Variants in DYM observed in about 807,000 individuals in gnomAD.
The protein encoded by DYM is dyggve-Melchior-Clausen syndrome protein.
DYM carries 78 observed loss-of-function variants against 93.1 expected under a neutral mutation model. The observed-to-expected ratio is 0.84, with a 90% CI of 0.70 to 1.01. DYM has a LOEUF of 1.01. Ranked by LOEUF, DYM falls within the 50% of genes least tolerant of loss-of-function variation. The probability of loss-of-function intolerance (pLI) is 0.00; values close to 1 mark genes in which losing one functional copy is unlikely to be tolerated. For synonymous variants in DYM, 321 were observed against 319.7 expected (o/e 1.00, Z -0.04); for missense variants, 789 against 845.0 (o/e 0.93, Z 0.82).
intron 8 of DYM, among the ~76,000 whole-genome samples, chr18:49,288,423 T>C (rs534999208): frequency 1.7e-3 from 266 of 152,234 alleles, no homozygotes; most frequent in African/African-American, 6.0e-3. Flanking sequence ...GAAGACCATA[T>C]GAGATCTGAA....
At chr18:49,203,219 A>G (rs2092233218) in intron 14 of DYM, among the ~76,000 whole-genome samples, 1 of 52,666 alleles carries the variant, frequency 1.9e-5, no homozygotes, top group Non-Finnish European at 4.9e-5. Context: ...CCCGTCTGGG[A>G]GGGAGGTGGG....
chr18:49,263,701 C>T (rs1054189088), intron 11 of DYM, among the ~76,000 whole-genome samples: 18 of 151,900 alleles, frequency 1.2e-4, no homozygotes, highest in African/African-American at 3.4e-4. Context: ...TGCACTCCAG[C>T]GTGGGCAACA....
intron 15 of DYM, among the ~76,000 whole-genome samples, chr18:49,120,599 C>G (rs1033360194): frequency 4.6e-5 from 7 of 152,146 alleles, no homozygotes; most frequent in Admixed American, 3.9e-4. Context: ...GAAGGGCCAA[C>G]TGTATGTACT....
rs1248790426 is a variant in DYM, at chr18:49,440,972, T to TA, written c.-53-10526dup. Among the ~76,000 whole-genome samples the TA allele has an allele frequency of 1.5e-3, 4 of 2,606 alleles. 1 individual carries two copies. The highest frequency in any genetic ancestry group is 4.1e-3 in the African/African-American group (4 of 966). The allele number at this position is 2,606 out of a possible 152,430, so 1.7% of individuals were successfully genotyped here. A position where few individuals can be genotyped will look rare whatever the true frequency, so the allele number is the denominator to read the frequency against. On this transcript the variant is annotated intron_variant, in intron 1 of 17. Coordinates refer to ENST00000675505, the MANE Select transcript of DYM (RefSeq NM_001353214.3). ...ATTATATAAATATATTATATTTATATAATATATTATATATAATATATAATA... is the reference window on the plus strand; with the variant it reads ...ATTATATAAATATATTATATTTATATAAATATATTATATATAATATATAATA...
At chr18:49,459,586 C>A (rs1220777687) in intron 1 of DYM, among the ~76,000 whole-genome samples, 1 of 152,088 alleles carries the variant, frequency 6.6e-6, no homozygotes, top group Non-Finnish European at 1.5e-5. Flanking sequence ...TTGCTCTACA[C>A]ACCCCTCTCT....
intron 8 of DYM, among the ~76,000 whole-genome samples, chr18:49,311,005 T>C (rs2061556422): frequency 6.6e-6 from 1 of 152,264 alleles, no homozygotes; most frequent in Admixed American, 6.5e-5. Flanking sequence ...ATTAAGTATT[T>C]TGCATTTTTT....
chr18:49,156,676 G>C (rs2086483135), intron 15 of DYM, among the ~76,000 whole-genome samples: 1 of 148,296 alleles, frequency 6.7e-6, no homozygotes, highest in Non-Finnish European at 1.5e-5. Context: ...AGGCTGCAGT[G>C]AGCTGACATC....
intron 8 of DYM, among the ~76,000 whole-genome samples, chr18:49,294,222 T>C (rs1395779548): frequency 6.6e-6 from 1 of 152,224 alleles, no homozygotes; most frequent in Non-Finnish European, 1.5e-5. Context: ...ACTGTAGTCT[T>C]ATAGTATAGT....
intron 14 of DYM, among the ~76,000 whole-genome samples, chr18:49,179,907 T>C (rs1375857653): frequency 6.6e-6 from 1 of 152,168 alleles, no homozygotes; most frequent in African/African-American, 2.4e-5. Context: ...CATGAATCTG[T>C]TGAACTTCTT....
At chr18:49,219,568 G>A (rs1232265773) in intron 13 of DYM, among the ~76,000 whole-genome samples, 1 of 152,128 alleles carries the variant, frequency 6.6e-6, no homozygotes, top group East Asian at 1.9e-4. Flanking sequence ...ATGATCAAGT[G>A]GGCTTCATCC....
At chr18:49,452,377 A>T (rs1300272496) in intron 1 of DYM, among the ~76,000 whole-genome samples, 1 of 152,084 alleles carries the variant, frequency 6.6e-6, no homozygotes, top group African/African-American at 2.4e-5. Flanking sequence ...TTGCTGGTTC[A>T]GGCAGCCTGC....
intron 11 of DYM, 103 bp downstream of exon 11, chr18:49,272,075 C>T: frequency 9.9e-7 from 1 of 1,013,320 alleles, no homozygotes; most frequent in Non-Finnish European, 1.5e-6. Context: ...TACAGGTTCT[C>T]ACAGGAACAT....
At chr18:49,237,952 A>C (rs1299954925) in intron 13 of DYM, among the ~76,000 whole-genome samples, 1 of 150,524 alleles carries the variant, frequency 6.6e-6, no homozygotes, top group Non-Finnish European at 1.5e-5. Context: ...TACCATATTT[A>C]AGTAGGTCTC....
intron 1 of DYM, among the ~76,000 whole-genome samples, chr18:49,458,787 C>T (rs1424533263): frequency 2.6e-5 from 4 of 152,086 alleles, no homozygotes; most frequent in Admixed American, 6.6e-5. Flanking sequence ...TGCCGTGAGC[C>T]GGGATCACGC....
chr18:49,452,013 AC>A (rs1166225110), intron 1 of DYM, among the ~76,000 whole-genome samples: 1 of 152,146 alleles, frequency 6.6e-6, no homozygotes, highest in Non-Finnish European at 1.5e-5. Context: ...GAATTGCTAT[AC>A]TCACTCTACT....
intron 15 of DYM, among the ~76,000 whole-genome samples, chr18:49,149,651 T>C (rs1429206231): frequency 6.7e-6 from 1 of 149,754 alleles, no homozygotes; most frequent in East Asian, 2.0e-4. Context: ...AGCTGCTCAC[T>C]AAATATTTGT....
intron 2 of DYM, among the ~76,000 whole-genome samples, chr18:49,400,787 T>A (rs1021435764): frequency 6.6e-6 from 1 of 152,214 alleles, no homozygotes; most frequent in African/African-American, 2.4e-5. Flanking sequence ...AAGAATAATC[T>A]GCTTTCCTAT....
intron 14 of DYM, among the ~76,000 whole-genome samples, chr18:49,204,686 A>G (rs1026356962): frequency 6.6e-6 from 1 of 152,234 alleles, no homozygotes; most frequent in East Asian, 1.9e-4. Flanking sequence ...TGCTTTGACC[A>G]TATCACAATC....
At chr18:49,137,596 A>T (rs2083991631) in intron 15 of DYM, among the ~76,000 whole-genome samples, 1 of 152,218 alleles carries the variant, frequency 6.6e-6, no homozygotes, top group Non-Finnish European at 1.5e-5. Flanking sequence ...ATTAAGAAAG[A>T]ACAATAAGGG....
Sources: allele counts gnomAD v4.1 joint callset (sites outside exome capture counted in the v4.1 genomes callset), GRCh38; gene constraint gnomAD v4.1.1; transcripts MANE v1.5; gene names NCBI Gene and HGNC (gene_info 2026-07-23, HGNC 2026-07-21).